AP1B1: variants seen among roughly 807,000 people sequenced by gnomAD.
AP1B1 encodes the protein adaptor related protein complex 1 subunit beta 1, also known as AP-1 complex subunit beta-1.
In AP1B1, 36 loss-of-function variants were observed where a neutral mutation model predicts 104.3. That is an observed-to-expected ratio of 0.35 (90% confidence interval 0.26 to 0.46). AP1B1 has a LOEUF of 0.46. AP1B1 is among the 20% of genes least tolerant of loss of function. AP1B1 has a pLI of 1.00. For synonymous variants in AP1B1, 504 were observed against 517.5 expected (o/e 0.97, Z 0.35); for missense variants, 901 against 1,247.9 (o/e 0.72, Z 4.19).
chr22:29,367,867 T>G (rs2062168991), intron 1 of AP1B1, among the ~76,000 whole-genome samples: 1 of 152,200 alleles, frequency 6.6e-6, no homozygotes, highest in Non-Finnish European at 1.5e-5. Context: ...GCTGCTAAAA[T>G]AGTAACATGC....
intron 1 of AP1B1, among the ~76,000 whole-genome samples, chr22:29,372,257 T>C (rs2062251931): frequency 6.6e-6 from 1 of 151,864 alleles, no homozygotes; most frequent in African/African-American, 2.4e-5. Context: ...ACCCCATCTC[T>C]ACTAAAAATA....
chr22:29,331,851 T>G lies in AP1B1; in HGVS notation c.2375A>C (p.Glu792Ala), dbSNP rs1035639687. 2 of 1,613,916 alleles carry G rather than the reference T, an allele frequency of 1.2e-6. No individual in the cohort carries two copies. The highest frequency in any genetic ancestry group is 2.7e-5 in the African/African-American group (2 of 74,910). The change falls in exon 18 of 23, where the codon GAG becomes GCG. Residue 792 changes from glutamate to alanine, a missense_variant. Around this residue, in one of 3 missense-constraint regions of AP1B1, gnomAD observed 424 missense variants for 494.0 expected, o/e 0.86. Coordinates refer to ENST00000357586, the MANE Select transcript of AP1B1 (RefSeq NM_001127.4). The stretch of plus-strand genomic sequence containing the variant: ...CACCGTGCTGAGAGGCAGGGAGATC[T>G]CCACTGTCTGGTTGGGGCTGAGTGG... Reference protein sequence around the residue: ...HAPLSPNQTVEISLPLSTVGS... With the variant: ...HAPLSPNQTVAISLPLSTVGS...
At chr22:29,332,597 C>T (rs2061578113) in intron 17 of AP1B1, among the ~76,000 whole-genome samples, 1 of 152,222 alleles carries the variant, frequency 6.6e-6, no homozygotes, top group African/African-American at 2.4e-5. Context: ...ATTATACCTG[C>T]TCCTAGCCTC....
At chr22:29,374,611 A>C (rs1471606705) in intron 1 of AP1B1, among the ~76,000 whole-genome samples, 3 of 152,232 alleles carry the variant, frequency 2.0e-5, no homozygotes, top group Non-Finnish European at 4.4e-5. Flanking sequence ...AAGAGCCAAG[A>C]GTCTAATAAC....
At chr22:29,364,739 C>CACTCT (rs1157779481) in intron 2 of AP1B1, among the ~76,000 whole-genome samples, 2 of 143,216 alleles carry the variant, frequency 1.4e-5, no homozygotes, top group African/African-American at 2.6e-5. Context: ...GACATAGTCT[C>CACTCT]ACTCTGTCAC....
chr22:29,330,820 C>T, intron 19 of AP1B1, 111 bp from the exon 20 acceptor site: 1 of 881,712 alleles, frequency 1.1e-6, no homozygotes, highest in Non-Finnish European at 1.8e-6. Context: ...TGAAAGCTGA[C>T]AACAGGCACT....
At chr22:29,331,990 T>C in intron 17 of AP1B1, 74 bp from the exon 18 acceptor site, 2 of 1,436,330 alleles carry the variant, frequency 1.4e-6, no homozygotes, top group Non-Finnish European at 1.9e-6. Context: ...CTCCTCCGAC[T>C]CGGGAGCTGG....
Position 29,354,724 on chromosome 22 carries a change from C to G in AP1B1, c.864G>C (p.Leu288=). The G allele has an allele frequency of 6.2e-7, 1 of 1,613,994 alleles. No homozygotes were observed. The highest frequency in any genetic ancestry group is 8.5e-7 in the Non-Finnish European group (1 of 1,180,024). The change falls in exon 7 of 23, where the codon CTG becomes CTC. Residue 288 remains leucine (L), a synonymous_variant. Coordinates refer to ENST00000357586, the MANE Select transcript of AP1B1 (RefSeq NM_001127.4). ...GTLLKKLAPP[L]VTLLSAEPEL... ...CTGGCTCGGCTGACAGCAGTGTGAC[C>G]AGGGGTGGGGCCAGCTTCTTGAGCA...
intron 1 of AP1B1, among the ~76,000 whole-genome samples, chr22:29,385,927 C>G (rs1476987404): frequency 1.3e-5 from 2 of 152,150 alleles, no homozygotes; most frequent in Non-Finnish European, 2.9e-5. Context: ...AGCCCAAGCT[C>G]AAAGCCAGAA....
At chr22:29,381,713 G>A (rs2066152719) in intron 1 of AP1B1, among the ~76,000 whole-genome samples, 1 of 152,142 alleles carries the variant, frequency 6.6e-6, no homozygotes, top group Non-Finnish European at 1.5e-5. Flanking sequence ...CATCTCCAGT[G>A]GGAGAAACGT....
intron 4 of AP1B1, among the ~76,000 whole-genome samples, chr22:29,359,509 G>C (rs558414558): frequency 6.6e-6 from 1 of 152,358 alleles, no homozygotes; most frequent in Non-Finnish European, 1.5e-5. Flanking sequence ...GTCTGTAAGG[G>C]CAACAGAGAA....
chr22:29,335,703 G>T (rs891809449), intron 16 of AP1B1, among the ~76,000 whole-genome samples: 2 of 152,144 alleles, frequency 1.3e-5, no homozygotes, highest in African/African-American at 4.8e-5. Flanking sequence ...GGCCTCCACA[G>T]CCTGGTGCCC....
At position 29,331,308 on chromosome 22, in the gene AP1B1, G is replaced by A. The variant is rs1255160303; in HGVS notation, c.2524+141C>T. The A allele has an allele frequency of 2.2e-5, 19 of 855,496 alleles. No homozygotes were observed. In the East Asian group the frequency reaches 4.6e-4, roughly 21 times the overall value. The allele number at this position is 855,496 out of a possible 1,614,324, so 53.0% of individuals were successfully genotyped here. ...GTCCTGGGTATACCCCTCACTCCAG[G>A]CCCTGCAGGGAAGCAGCAACTCCCC... is the stretch of plus-strand genomic sequence containing the variant. On this transcript the variant is annotated intron_variant, in intron 19 of 22. Coordinates refer to ENST00000357586, the MANE Select transcript of AP1B1 (RefSeq NM_001127.4).
At chr22:29,383,362 T>C (rs962908625) in intron 1 of AP1B1, among the ~76,000 whole-genome samples, 10 of 152,170 alleles carry the variant, frequency 6.6e-5, no homozygotes, top group African/African-American at 1.7e-4. Flanking sequence ...TATTCCTCTA[T>C]GGAACTCAGC....
chr22:29,354,575 T>C lies in AP1B1; in HGVS notation c.938+75A>G, dbSNP rs2061926097. The C allele has an allele frequency of 2.2e-5, 31 of 1,425,056 alleles. No homozygotes were observed. In the South Asian group the frequency reaches 3.6e-4, roughly 17 times the overall value. The allele number at this position is 1,425,056 out of a possible 1,614,324, so 88.3% of individuals were successfully genotyped here. A position where few individuals can be genotyped will look rare whatever the true frequency, so the allele number is the denominator to read the frequency against. On this transcript the variant is annotated intron_variant, in intron 7 of 22. Transcript: ENST00000357586. Reference sequence around the variant, plus strand: ...CCTGCATGGTGACAGGTCAGTTTCCTTTGAGAGCCCCCATTCCCAGCAGAA... The same window carrying C: ...CCTGCATGGTGACAGGTCAGTTTCCCTTGAGAGCCCCCATTCCCAGCAGAA...
intron 3 of AP1B1, among the ~76,000 whole-genome samples, chr22:29,360,466 A>T (rs1364138769): frequency 6.6e-5 from 10 of 152,174 alleles, no homozygotes; most frequent in East Asian, 1.9e-4. Flanking sequence ...GGCCCCTTAC[A>T]TTGGGCTGCT....
chr22:29,329,843 AG>A (rs1417157941), intron 21 of AP1B1, 123 bp from the exon 22 acceptor site: 2 of 1,533,778 alleles, frequency 1.3e-6, no homozygotes, highest in African/African-American at 2.7e-5. Flanking sequence ...AGGACCCAGG[AG>A]GGGCAGTGTC....
chr22:29,343,703 A>G (rs1178934261), intron 11 of AP1B1, among the ~76,000 whole-genome samples: 1 of 152,170 alleles, frequency 6.6e-6, no homozygotes, highest in Non-Finnish European at 1.5e-5. Flanking sequence ...CAGTTCTATC[A>G]CTTCTCAGCT....
In AP1B1 at chr22:29,331,527, C is replaced by T. The variant is rs1039709063; in HGVS notation, c.2446G>A (p.Val816Met). Reference sequence around the variant, plus strand: ...TAGAAGACATCGATGTTGTTCTTCACGGCCACCTAGGCACAAGGGGGTCCC... The same window carrying T: ...TAGAAGACATCGATGTTGTTCTTCATGGCCACCTAGGCACAAGGGGGTCCC... ...MEPLNNLQVA[V>M]KNNIDVFYFS... The change falls in exon 19 of 23, where the codon GTG becomes ATG. Residue 816 changes from valine (V) to methionine (M), a missense_variant. Val to Met is a conservative substitution (Grantham distance 21). Transcript: ENST00000357586. The T allele has an allele frequency of 3.1e-6, 5 of 1,614,180 alleles. No individual in the cohort carries two copies. The highest frequency in any genetic ancestry group is 4.2e-6 in the Non-Finnish European group (5 of 1,180,036).
Sources: gnomAD v4.1 joint callset for allele counts (sites outside exome capture counted in the v4.1 genomes callset) on GRCh38, gnomAD v4.1.1 for gene constraint, gnomAD v4.1.1 regional missense constraint, MANE v1.5 for transcripts, NCBI Gene and HGNC (gene_info 2026-07-23, HGNC 2026-07-21) for gene names.